POLR3E: variants seen among roughly 807,000 people sequenced by gnomAD.
The protein encoded by POLR3E is RNA polymerase III subunit E.
In POLR3E, 41 loss-of-function variants were observed where a neutral mutation model predicts 96.6. The ratio of observed to expected loss-of-function variants is 0.42; its 90% confidence interval spans 0.33 to 0.55. The LOEUF (loss-of-function observed/expected upper bound fraction) is 0.55, where lower values mean the gene tolerates loss of function less well. Among genes scored for constraint, POLR3E ranks in the 20% least tolerant of loss-of-function variants. The pLI is 0.06. For synonymous variants in POLR3E, 396 were observed against 383.6 expected, an observed-to-expected ratio of 1.03 and a Z score of -0.38; for missense variants, 849 against 952.1, an observed-to-expected ratio of 0.89 and a Z score of 1.43.
In POLR3E at chr16:22,320,488, T is replaced by TGA. The variant is rs201370759; in HGVS notation, c.986+1543_986+1544dup. On this transcript the variant is annotated intron_variant, in intron 13 of 20. Coordinates refer to ENST00000299853, the MANE Select transcript of POLR3E (RefSeq NM_018119.4). Reference sequence around the variant, plus strand: ...TGTTGGCCAGCTGGTCTTGAACTCCTGACCTCAGGTGATGCACCCATCTCG... The same window carrying TGA: ...TGTTGGCCAGCTGGTCTTGAACTCCTGAGACCTCAGGTGATGCACCCATCTCG... Among the ~76,000 whole-genome samples, 22 of 152,268 alleles carry TGA rather than the reference T, an allele frequency of 1.4e-4. No individual in the cohort carries two copies. In the East Asian group the frequency reaches 2.5e-3, roughly 17 times the overall value.
In POLR3E at chr16:22,326,079, C is replaced by T; in HGVS notation, c.1667C>T (p.Thr556Ile). The T allele has an allele frequency of 1.2e-6, 2 of 1,613,056 alleles. No homozygotes were observed. Among genetic ancestry groups the T allele is most frequent in the Non-Finnish European group, 1.7e-6 (2 of 1,179,410 alleles). The change falls in exon 18 of 21, where the codon ACC becomes ATC. Residue 556 changes from threonine (T) to isoleucine (I), a missense_variant. Physicochemically the swap from Thr to Ile is moderately conservative, Grantham distance 89. Transcript: ENST00000299853. ...NGHPPQGCAS[T>I]PVARELKAFV... ...CACCCGCCCCAGGGCTGCGCCAGCACCCCTGTGGCTCGGGAACTGAAGGCC... is the reference window on the plus strand; with the variant it reads ...CACCCGCCCCAGGGCTGCGCCAGCATCCCTGTGGCTCGGGAACTGAAGGCC...
chr16:22,318,836 G>A lies in POLR3E; in HGVS notation c.876G>A (p.Met292Ile), dbSNP rs759821645. 9 of 1,613,448 alleles carry A rather than the reference G, an allele frequency of 5.6e-6. No homozygotes were observed. The East Asian group carries it at 2.0e-4, about 36-fold the overall frequency. ...IKILMKNVKV[M>I]PFANLMSLLG... ...CTGCGTCCTCCTCAGTGAAGGTCAT[G>A]CCTTTTGCCAACTTGATGAGCCTCC... Residue 292 changes from methionine (M) to isoleucine (I), a missense_variant, in exon 13 of 21, where the codon ATG (methionine) becomes ATA (isoleucine). Physicochemically the swap from Met to Ile is conservative, Grantham distance 10. Coordinates refer to ENST00000299853, the MANE Select transcript of POLR3E (RefSeq NM_018119.4). The surrounding 1 kb of genome is among the most constrained non-coding windows in gnomAD (Gnocchi z 5.0).
chr16:22,312,100 A>G (rs2048259126), intron 6 of POLR3E, among the ~76,000 whole-genome samples: 1 of 152,212 alleles, frequency 6.6e-6, no homozygotes, highest in African/African-American at 2.4e-5. Flanking sequence ...ACCAGGGACT[A>G]GTGGGAGAGT....
In POLR3E at chr16:22,317,023, A is replaced by G; in HGVS notation, c.757A>G (p.Ser253Gly). 6.2e-7 allele frequency: 1 copy of G among 1,614,176 alleles called. No homozygotes were observed. The highest frequency in any genetic ancestry group is 1.1e-5 in the South Asian group (1 of 91,086). ...SEYLMMLMPP[S>G]QEEEKDKPVA... ...GTACCTGATGATGCTGATGCCACCC[A>G]GCCAGGAGGAGGAGAAGTGAGTAGA... Residue 253 changes from serine to glycine, a missense_variant, in exon 11 of 21, where the codon AGC (serine) becomes GGC (glycine). Ser to Gly is a moderately conservative substitution (Grantham distance 56). Coordinates refer to ENST00000299853, the MANE Select transcript of POLR3E (RefSeq NM_018119.4).
intron 3 of POLR3E, among the ~76,000 whole-genome samples, chr16:22,306,979 G>T (rs1333383123): frequency 6.6e-6 from 1 of 152,236 alleles, no homozygotes; most frequent in Non-Finnish European, 1.5e-5. Context: ...TATGGGCCGT[G>T]GGAATGGGGC....
At chr16:22,312,675 G>A (rs181849482) in intron 6 of POLR3E, among the ~76,000 whole-genome samples, 1 of 151,924 alleles carries the variant, frequency 6.6e-6, no homozygotes, top group South Asian at 2.1e-4. Context: ...GACTATCCTG[G>A]CCAACATGGT....
At chr16:22,310,976 A>AT (rs1327655715) in intron 6 of POLR3E, among the ~76,000 whole-genome samples, 2 of 152,090 alleles carry the variant, frequency 1.3e-5, no homozygotes, top group Non-Finnish European at 2.9e-5. Context: ...TTATTGATTT[A>AT]TTTTTTGGAG....
Position 22,330,815 on chromosome 16 carries a change from CA to C in POLR3E, c.1945-1236del, listed in dbSNP as rs772132687. 1.0e-4 allele frequency among the ~76,000 whole-genome samples: 15 copies of C among 148,628 alleles called. No individual in the cohort carries two copies. The South Asian group carries it at 2.1e-3, about 21-fold the overall frequency. On this transcript the variant is annotated intron_variant, in intron 19 of 20. Transcript: ENST00000299853. ...AGTCAGCTGTTTACATGAACCATAG[CA>C]AAAAAAAAGGAGAATCAAATCCATC...
chr16:22,299,413 T>C (rs2047974695), intron 1 of POLR3E, among the ~76,000 whole-genome samples: 2 of 146,830 alleles, frequency 1.4e-5, no homozygotes, highest in Admixed American at 1.3e-4. Flanking sequence ...TGATTTACTT[T>C]TTTTTTTTTT....
At position 22,332,967 on chromosome 16, in the gene POLR3E, CTTTTTTT is replaced by C. The variant is rs1166614906; in HGVS notation, c.2071-659_2071-653del. On this transcript the variant is annotated intron_variant, in intron 20 of 20. Transcript: ENST00000299853. Reference sequence around the variant, plus strand: ...TCAGTATCTGTATTTCGTAGACCCCCTTTTTTTTTTTTTTTTTTTTTTTTGAGATGGA... The same window carrying C: ...TCAGTATCTGTATTTCGTAGACCCCCTTTTTTTTTTTTTTTTTGAGATGGA... Among the ~76,000 whole-genome samples the C allele has an allele frequency of 4.0e-4, 29 of 73,074 alleles. 1 individual carries two copies. The East Asian group carries it at 6.4e-3, about 16-fold the overall frequency. The allele number at this position is 73,074 out of a possible 152,430, so 47.9% of individuals were successfully genotyped here.
chr16:22,322,542 G>C lies in POLR3E; in HGVS notation c.987-308G>C, dbSNP rs1373348028. ...CCTGGGCTCCTTGAGGTCCCGGGCT[G>C]TTCCTCACCTTGTCTGTCTCTGAGC... On this transcript the variant is annotated intron_variant, in intron 13 of 20. Coordinates refer to ENST00000299853, the MANE Select transcript of POLR3E (RefSeq NM_018119.4). This position sits in a 1 kb window ranked among gnomAD's most constrained non-coding sequence, Gnocchi z 5.2. 6.6e-6 allele frequency among the ~76,000 whole-genome samples: 1 copy of C among 152,140 alleles called. No individual in the cohort carries two copies. Among genetic ancestry groups the C allele is most frequent in the Non-Finnish European group, 1.5e-5 (1 of 68,028 alleles).
chr16:22,309,189 G>A (rs1201060016), intron 5 of POLR3E, 149 bp downstream of exon 5: 9 of 656,582 alleles, frequency 1.4e-5, no homozygotes, highest in Non-Finnish European at 1.6e-5. Context: ...CTCAGACTCT[G>A]CCCTCCTGAA....
At chr16:22,312,421 C>G (rs747938283) in intron 6 of POLR3E, among the ~76,000 whole-genome samples, 2 of 151,806 alleles carry the variant, frequency 1.3e-5, no homozygotes, top group Admixed American at 6.6e-5. Context: ...CGCTTGAACT[C>G]AGGAGGCGGA....
Position 22,317,142 on chromosome 16 carries a change from C to T in POLR3E, c.801C>T (p.Val267=). 2 of 1,614,136 alleles carry T rather than the reference C, an allele frequency of 1.2e-6. No homozygotes were observed. Among genetic ancestry groups the T allele is most frequent in the Non-Finnish European group, 1.7e-6 (2 of 1,179,990 alleles). The part of the protein sequence containing the change: ...EKDKPVAPSN[V]LSMAQLRTLP... ...ACAAGCCTGTGGCCCCCAGCAACGT[C>T]CTGTCGATGGCCCAGCTGCGCACGC... is the stretch of plus-strand genomic sequence containing the variant. Residue 267 remains valine (V), a synonymous_variant, in exon 12 of 21, where the codon GTC becomes GTT. Transcript: ENST00000299853.
Position 22,318,787 on chromosome 16 carries a change from C to T in POLR3E, c.866-39C>T. 1 of 1,598,700 alleles carries T rather than the reference C, an allele frequency of 6.3e-7. No individual in the cohort carries two copies. Among genetic ancestry groups the T allele is most frequent in the Non-Finnish European group, 8.5e-7 (1 of 1,170,444 alleles). On this transcript the variant is annotated intron_variant, in intron 12 of 20. Transcript: ENST00000299853. This position sits in a 1 kb window ranked among gnomAD's most constrained non-coding sequence, Gnocchi z 5.0. ...CGGTGGAGGGGAGGGAAGGGCCCGG[C>T]CCCTCTTCCTTGTCTGATGTCTCCT...
chr16:22,333,639 C>A lies in POLR3E; in HGVS notation c.2071-5C>A. 1 of 1,607,274 alleles carries A rather than the reference C, an allele frequency of 6.2e-7. No homozygotes were observed. The highest frequency in any genetic ancestry group is 8.5e-7 in the Non-Finnish European group (1 of 1,173,772). On this transcript the variant is annotated splice_region_variant and splice_polypyrimidine_tract_variant and intron_variant, in intron 20 of 20. Transcript: ENST00000299853. ...ATCTGTGCTTACCCTGTTTCTCTCT[C>A]ATAGGACTGCTGTGTAAGCTATGGT...
intron 1 of POLR3E, chr16:22,299,049 T>G: frequency 2.2e-6 from 1 of 455,962 alleles, no homozygotes. Context: ...AGTTCCAGAT[T>G]AAGATGAGAC....
chr16:22,326,215 C>T lies in POLR3E; in HGVS notation c.1803C>T (p.Gly601=). 1.2e-6 allele frequency: 2 copies of T among 1,613,646 alleles called. No individual in the cohort carries two copies. Among genetic ancestry groups the T allele is most frequent in the Non-Finnish European group, 1.7e-6 (2 of 1,179,928 alleles). The change falls in exon 18 of 21, where the codon GGC becomes GGT. Residue 601 remains glycine (G), a synonymous_variant. Transcript: ENST00000299853. ...SLPPGHTLFS[G]ISDRMLQDTV... ...CCCCCGGCCACACACTCTTCAGCGG[C>T]ATCTCGGACCGCATGCTACAGGACA...
intron 3 of POLR3E, among the ~76,000 whole-genome samples, chr16:22,307,470 G>T (rs907702267): frequency 6.6e-6 from 1 of 152,218 alleles, no homozygotes; most frequent in Non-Finnish European, 1.5e-5. Context: ...TTGAGGAGGG[G>T]TCCAGACTTT....
Sources: allele counts gnomAD v4.1 joint callset (sites outside exome capture counted in the v4.1 genomes callset), GRCh38; gene constraint gnomAD v4.1.1; non-coding constraint Gnocchi (gnomAD v3.1); transcripts MANE v1.5; gene names NCBI Gene and HGNC (gene_info 2026-07-23, HGNC 2026-07-21).